HMGA2: variants seen among roughly 807,000 people sequenced by gnomAD.
The protein encoded by HMGA2 is high mobility group AT-hook 2, also known as high mobility group protein HMGI-C.
A neutral mutation model predicts 19.1 loss-of-function variants in HMGA2; 8 were observed. The ratio of observed to expected loss-of-function variants is 0.42; its 90% CI spans 0.25 to 0.76. The LOEUF (loss-of-function observed/expected upper bound fraction) is 0.76. HMGA2 is among the 30% of genes least tolerant of loss of function. HMGA2 has a pLI of 0.28. For synonymous variants in HMGA2, 60 were observed against 48.8 expected (o/e 1.23, Z -0.96); for missense variants, 109 against 136.3 (o/e 0.80, Z 1.00).
intron 3 of HMGA2, among the ~76,000 whole-genome samples, chr12:65,950,912 T>C (rs1467919316): frequency 2.6e-5 from 4 of 152,148 alleles, no homozygotes; most frequent in African/African-American, 9.7e-5. Context: ...TTCCTTAATA[T>C]AGAGAGATCA....
intron 3 of HMGA2, among the ~76,000 whole-genome samples, chr12:65,904,174 G>A (rs1027738501): frequency 3.3e-5 from 5 of 152,320 alleles, no homozygotes; most frequent in Admixed American, 6.5e-5. Flanking sequence ...TCTGTTCAAC[G>A]TCATAGAATT....
chr12:65,909,472 T>C lies in HMGA2; in HGVS notation c.250-41911T>C, dbSNP rs113073632. Reference sequence around the variant, plus strand: ...AGGCATATTTTGAATTTTTCAGTCATAGGGAAGACAAAGTTAGAAATGCTA... The same window carrying C: ...AGGCATATTTTGAATTTTTCAGTCACAGGGAAGACAAAGTTAGAAATGCTA... On this transcript the variant is annotated intron_variant, in intron 3 of 4. Coordinates refer to ENST00000403681, the MANE Select transcript of HMGA2 (RefSeq NM_003483.6). Among the ~76,000 whole-genome samples, 75 of 152,292 alleles carry C rather than the reference T, an allele frequency of 4.9e-4. 1 individual carries two copies. Among genetic ancestry groups the C allele is most frequent in the African/African-American group, 1.7e-3 (72 of 41,560 alleles).
At chr12:65,937,140 T>A (rs1258830872) in intron 3 of HMGA2, among the ~76,000 whole-genome samples, 4 of 152,178 alleles carry the variant, frequency 2.6e-5, no homozygotes, top group South Asian at 2.1e-4. Flanking sequence ...AATTTTTTTT[T>A]AAAAGCTACC....
intron 3 of HMGA2, among the ~76,000 whole-genome samples, chr12:65,850,909 G>A (rs1871432652): frequency 6.6e-6 from 1 of 152,064 alleles, no homozygotes; most frequent in Non-Finnish European, 1.5e-5. Flanking sequence ...GTGACAGGAG[G>A]GTCTTCATGT....
chr12:65,906,519 G>C (rs747268536), intron 3 of HMGA2, among the ~76,000 whole-genome samples: 39 of 152,292 alleles, frequency 2.6e-4, no homozygotes, highest in Middle Eastern at 3.4e-3. Flanking sequence ...AAGCACAAGT[G>C]TCTTGCTAGT....
intron 1 of HMGA2, chr12:65,827,019 CA>C (rs1870241854): frequency 6.6e-6 from 1 of 152,136 alleles, no homozygotes; most frequent in Admixed American, 6.5e-5. Flanking sequence ...TAATTAGTCT[CA>C]CTTAATCACC....
chr12:65,859,207 T>C (rs544680047), intron 3 of HMGA2: 1 of 152,382 alleles, frequency 6.6e-6, no homozygotes, highest in African/African-American at 2.4e-5. Flanking sequence ...AATTCACTTA[T>C]AGCCTCCAAG....
At chr12:65,851,595 G>A (rs539177956) in intron 3 of HMGA2, 13 of 426,918 alleles carry the variant, frequency 3.0e-5, no homozygotes, top group African/African-American at 2.3e-4. Flanking sequence ...TTGAACTCAG[G>A]AGGCGGAGTT....
At chr12:65,930,547 G>C (rs1565735773) in intron 3 of HMGA2, among the ~76,000 whole-genome samples, 1 of 152,188 alleles carries the variant, frequency 6.6e-6, no homozygotes, top group Non-Finnish European at 1.5e-5. Flanking sequence ...TGGGAAAATG[G>C]ACACCGGCCT....
At chr12:65,896,391 A>G in intron 3 of HMGA2, among the ~76,000 whole-genome samples, 1 of 152,210 alleles carries the variant, frequency 6.6e-6, no homozygotes, top group East Asian at 1.9e-4. Context: ...GGTGCCATTC[A>G]TGGACTTGGT....
chr12:65,829,000 G>A (rs1870357444), intron 2 of HMGA2: 1 of 152,164 alleles, frequency 6.6e-6, no homozygotes, highest in African/African-American at 2.4e-5. Flanking sequence ...TTGTAGGTTT[G>A]TGTAGTAATT....
intron 4 of HMGA2, among the ~76,000 whole-genome samples, chr12:65,960,348 G>A (rs1876718433): frequency 6.6e-6 from 1 of 152,190 alleles, no homozygotes; most frequent in Admixed American, 6.5e-5. Flanking sequence ...AGCACCCTGT[G>A]TTAAGTCTGG....
intron 3 of HMGA2, among the ~76,000 whole-genome samples, chr12:65,897,369 G>A (rs1046418417): frequency 1.3e-5 from 2 of 151,928 alleles, no homozygotes; most frequent in African/African-American, 4.8e-5. Flanking sequence ...TCATATTAAC[G>A]GCATTATTTT....
chr12:65,901,220 A>G (rs1005581545), intron 3 of HMGA2, among the ~76,000 whole-genome samples: 2 of 152,258 alleles, frequency 1.3e-5, no homozygotes, highest in African/African-American at 4.8e-5. Context: ...GAACATTTTA[A>G]TAATGCAGGT....
intron 3 of HMGA2, among the ~76,000 whole-genome samples, chr12:65,841,631 G>A (rs560716612): frequency 2.6e-5 from 4 of 152,292 alleles, no homozygotes; most frequent in African/African-American, 7.2e-5. Flanking sequence ...GTCATTCACC[G>A]ATTTCCTTGA....
intron 3 of HMGA2, among the ~76,000 whole-genome samples, chr12:65,939,664 G>A (rs1024459243): frequency 6.6e-6 from 1 of 152,152 alleles, no homozygotes; most frequent in African/African-American, 2.4e-5. Flanking sequence ...CCACATACAA[G>A]CTTTAAATGA....
intron 3 of HMGA2, among the ~76,000 whole-genome samples, chr12:65,841,526 C>G (rs1870995959): frequency 6.6e-6 from 1 of 152,180 alleles, no homozygotes; most frequent in South Asian, 2.1e-4. Context: ...CAATGGCATT[C>G]TTTGCTGGAA....
intron 3 of HMGA2, among the ~76,000 whole-genome samples, chr12:65,894,954 T>C (rs891764137): frequency 4.6e-5 from 7 of 152,182 alleles, no homozygotes; most frequent in Non-Finnish European, 7.4e-5. Context: ...TTGTTGTGTA[T>C]ATCCCAAATA....
At chr12:65,882,143 G>A (rs1873443642) in intron 3 of HMGA2, 1 of 419,584 alleles carries the variant, frequency 2.4e-6, no homozygotes, top group African/African-American at 2.0e-5. Flanking sequence ...ACAGAGCTGG[G>A]CAGGCGGCGA....
Sources: allele counts gnomAD v4.1 joint callset (sites outside exome capture counted in the v4.1 genomes callset), GRCh38; gene constraint gnomAD v4.1.1; transcripts MANE v1.5; gene names NCBI Gene and HGNC (gene_info 2026-07-23, HGNC 2026-07-21).